The following JAKMIP1 variants were observed in gnomAD, a reference collection of about 807,000 sequenced individuals.
The protein encoded by JAKMIP1 is janus kinase and microtubule interacting protein 1.
JAKMIP1 carries 33 observed loss-of-function variants against 113.0 expected under a neutral mutation model. The ratio of observed to expected loss-of-function variants is 0.29; its 90% CI spans 0.22 to 0.39. The LOEUF is 0.39. JAKMIP1 is among the 10% of genes least tolerant of loss of function. The pLI, the probability that JAKMIP1 is intolerant of heterozygous loss-of-function variation, is 1.00. For synonymous variants in JAKMIP1, 480 were observed against 459.9 expected (o/e 1.04, Z -0.56); for missense variants, 813 against 1,080.5 (o/e 0.75, Z 3.47).
chr4:6,074,235 G>A (rs1719384234), intron 8 of JAKMIP1, among the ~76,000 whole-genome samples: 2 of 152,214 alleles, frequency 1.3e-5, no homozygotes, highest in Admixed American at 6.5e-5. Context: ...GCTTTGCCCT[G>A]ACTGCATCTT....
intron 1 of JAKMIP1, among the ~76,000 whole-genome samples, chr4:6,146,843 C>T (rs1419118949): frequency 4.6e-5 from 7 of 152,174 alleles, no homozygotes; most frequent in African/African-American, 1.2e-4. Context: ...CTCTCCCTAC[C>T]GTACACTTGA....
At chr4:6,098,090 C>T (rs1251539339) in intron 3 of JAKMIP1, among the ~76,000 whole-genome samples, 2 of 152,154 alleles carry the variant, frequency 1.3e-5, no homozygotes, top group East Asian at 3.9e-4. Context: ...TGTCCAAAAC[C>T]ACGCCTGCCT....
At position 6,108,586 on chromosome 4, in the gene JAKMIP1, G is replaced by C. The variant is rs183738953; in HGVS notation, c.130-2619C>G. The stretch of plus-strand genomic sequence containing the variant: ...CAATCCAGCAGCACTGGCTCTCCAT[G>C]TCCAGGCCTGGCCACTTCCCCACTT... On this transcript the variant is annotated intron_variant, in intron 2 of 20. Transcript: ENST00000409021. The surrounding 1 kb of genome is among the most constrained non-coding windows in gnomAD (Gnocchi z 5.6). Among the ~76,000 whole-genome samples the C allele has an allele frequency of 1.3e-5, 2 of 151,942 alleles. No individual in the cohort carries two copies. The highest frequency in any genetic ancestry group is 6.6e-5 in the Admixed American group (1 of 15,260).
chr4:6,066,701 C>T (rs1425086183), intron 8 of JAKMIP1, among the ~76,000 whole-genome samples: 1 of 152,102 alleles, frequency 6.6e-6, no homozygotes, highest in Admixed American at 6.5e-5. Context: ...GTTGTCTTCA[C>T]CTTCAACTCA....
chr4:6,108,416 C>T lies in JAKMIP1; in HGVS notation c.130-2449G>A, dbSNP rs191073261. Reference sequence around the variant, plus strand: ...AGCACTTGGACTCTAAATGCAGCCACGGCACAAAGGCCAAGAGAGGGAGCA... The same window carrying T: ...AGCACTTGGACTCTAAATGCAGCCATGGCACAAAGGCCAAGAGAGGGAGCA... On this transcript the variant is annotated intron_variant, in intron 2 of 20. Transcript: ENST00000409021. This position sits in a 1 kb window ranked among gnomAD's most constrained non-coding sequence, Gnocchi z 5.6. 6.6e-5 allele frequency among the ~76,000 whole-genome samples: 10 copies of T among 152,286 alleles called. No individual in the cohort carries two copies. Among genetic ancestry groups the T allele is most frequent in the Admixed American group, 2.0e-4 (3 of 15,302 alleles).
At chr4:6,172,861 G>A (rs1460892426) in intron 1 of JAKMIP1, among the ~76,000 whole-genome samples, 1 of 152,092 alleles carries the variant, frequency 6.6e-6, no homozygotes, top group Non-Finnish European at 1.5e-5. Context: ...CCCAGATCGA[G>A]TGCAGAGGGT....
intron 2 of JAKMIP1, among the ~76,000 whole-genome samples, chr4:6,111,253 C>CAGTA (rs1412850189): frequency 6.6e-6 from 1 of 152,182 alleles, no homozygotes; most frequent in Non-Finnish European, 1.5e-5. Flanking sequence ...CAGCCTCCAC[C>CAGTA]CGTCACTCCA....
At chr4:6,147,699 G>C (rs891698802) in intron 1 of JAKMIP1, among the ~76,000 whole-genome samples, 1 of 152,206 alleles carries the variant, frequency 6.6e-6, no homozygotes, top group Non-Finnish European at 1.5e-5. Flanking sequence ...GGCCACCTAG[G>C]TGTGGGTTCT....
chr4:6,073,690 A>G (rs1231739883), intron 8 of JAKMIP1, among the ~76,000 whole-genome samples: 1 of 152,222 alleles, frequency 6.6e-6, no homozygotes, highest in African/African-American at 2.4e-5. Context: ...TCCCATGGAT[A>G]TAATGTTCAT....
At position 6,137,424 on chromosome 4, in the gene JAKMIP1, A is replaced by G. The variant is rs1243385509; in HGVS notation, c.-147-24427T>C. ...CACGGCTCTGGCCCATGGAACCTTAATCACGTCACACCTGATACAGTTCCT... is the reference window on the plus strand; with the variant it reads ...CACGGCTCTGGCCCATGGAACCTTAGTCACGTCACACCTGATACAGTTCCT... On this transcript the variant is annotated intron_variant, in intron 1 of 20. Coordinates refer to ENST00000409021, the MANE Select transcript of JAKMIP1 (RefSeq NM_001099433.2). The surrounding 1 kb of genome is among the most constrained non-coding windows in gnomAD (Gnocchi z 4.5). 6.6e-6 allele frequency among the ~76,000 whole-genome samples: 1 copy of G among 152,160 alleles called. No homozygotes were observed. The highest frequency in any genetic ancestry group is 1.5e-5 in the Non-Finnish European group (1 of 68,034).
chr4:6,091,251 G>A (rs1722024339), intron 3 of JAKMIP1, among the ~76,000 whole-genome samples: 1 of 152,178 alleles, frequency 6.6e-6, no homozygotes, highest in Non-Finnish European at 1.5e-5. Context: ...CCTGAATGGG[G>A]GGAGATTTTT....
intron 1 of JAKMIP1, among the ~76,000 whole-genome samples, chr4:6,146,518 C>T (rs1720869467): frequency 6.6e-6 from 1 of 152,040 alleles, no homozygotes; most frequent in African/African-American, 2.4e-5. Flanking sequence ...GATCTTGAAC[C>T]TCTAGGCTCA....
rs892627876 is a variant in JAKMIP1, at chr4:6,040,042, G to T, written c.2175+597C>A. Among the ~76,000 whole-genome samples, 2 of 152,198 alleles carry T rather than the reference G, an allele frequency of 1.3e-5. No individual in the cohort carries two copies. Among genetic ancestry groups the T allele is most frequent in the Non-Finnish European group, 2.9e-5 (2 of 68,046 alleles). On this transcript the variant is annotated intron_variant, in intron 18 of 20. Transcript: ENST00000409021. This position sits in a 1 kb window ranked among gnomAD's most constrained non-coding sequence, Gnocchi z 5.8. Reference sequence around the variant, plus strand: ...CTCTCCTGCAGCGACAAGTTTCTATGATCTTACTCAACTCCCCTCCACCCC... The same window carrying T: ...CTCTCCTGCAGCGACAAGTTTCTATTATCTTACTCAACTCCCCTCCACCCC...
Position 6,086,318 on chromosome 4 carries a change from G to A in JAKMIP1, c.625-689C>T, listed in dbSNP as rs1003017789. 5.3e-5 allele frequency among the ~76,000 whole-genome samples: 8 copies of A among 151,890 alleles called. No homozygotes were observed. The highest frequency in any genetic ancestry group is 1.0e-4 in the Non-Finnish European group (7 of 68,012). ...TCTCCCAGGCAGCCAGGTCCTCCCC[G>A]ACGGTATCAACCCCACATATGCAGC... On this transcript the variant is annotated intron_variant, in intron 3 of 20. Coordinates refer to ENST00000409021, the MANE Select transcript of JAKMIP1 (RefSeq NM_001099433.2). The surrounding 1 kb of genome is among the most constrained non-coding windows in gnomAD (Gnocchi z 4.1).
chr4:6,192,476 C>T lies in JAKMIP1; in HGVS notation c.-148+7777G>A, dbSNP rs1045725069. 5.9e-5 allele frequency among the ~76,000 whole-genome samples: 9 copies of T among 152,174 alleles called. No homozygotes were observed. The highest frequency in any genetic ancestry group is 1.0e-4 in the Non-Finnish European group (7 of 68,022). On this transcript the variant is annotated intron_variant, in intron 1 of 20. Coordinates refer to ENST00000409021, the MANE Select transcript of JAKMIP1 (RefSeq NM_001099433.2). This position sits in a 1 kb window ranked among gnomAD's most constrained non-coding sequence, Gnocchi z 5.0. ...CTGACAAACACCCACTGCACGCAGA[C>T]GCCACTGAGCCTGTTTTGGTTTTGG...
chr4:6,171,600 A>G (rs961434424), intron 1 of JAKMIP1, among the ~76,000 whole-genome samples: 1 of 152,108 alleles, frequency 6.6e-6, no homozygotes, highest in Non-Finnish European at 1.5e-5. Context: ...TCCCCCCCCA[A>G]GTATGTGTCT....
At chr4:6,133,334 CCATAAA>C (rs763604850) in intron 1 of JAKMIP1, among the ~76,000 whole-genome samples, 1 of 152,170 alleles carries the variant, frequency 6.6e-6, no homozygotes, top group Non-Finnish European at 1.5e-5. Flanking sequence ...AGACGTACAA[CCATAAA>C]CATTTTGTTT....
At chr4:6,190,447 T>C (rs1727133019) in intron 1 of JAKMIP1, among the ~76,000 whole-genome samples, 1 of 152,102 alleles carries the variant, frequency 6.6e-6, no homozygotes, top group Non-Finnish European at 1.5e-5. Flanking sequence ...ACTCTTTCCA[T>C]AAGTGAACAG....
In JAKMIP1 at chr4:6,136,564, C is replaced by A. The variant is rs1405694438; in HGVS notation, c.-147-23567G>T. ...ATTTGGGCACTGAGCGACTAAGTTCCTGTCCACGGTCACACAACCAAGGAT... is the reference window on the plus strand; with the variant it reads ...ATTTGGGCACTGAGCGACTAAGTTCATGTCCACGGTCACACAACCAAGGAT... On this transcript the variant is annotated intron_variant, in intron 1 of 20. Transcript: ENST00000409021. The surrounding 1 kb of genome is among the most constrained non-coding windows in gnomAD (Gnocchi z 5.9). 3.9e-5 allele frequency among the ~76,000 whole-genome samples: 6 copies of A among 152,150 alleles called. No homozygotes were observed. Among genetic ancestry groups the A allele is most frequent in the African/African-American group, 1.4e-4 (6 of 41,436 alleles).
Sources: allele counts gnomAD v4.1 joint callset (sites outside exome capture counted in the v4.1 genomes callset), GRCh38; gene constraint gnomAD v4.1.1; non-coding constraint Gnocchi (gnomAD v3.1); transcripts MANE v1.5; gene names NCBI Gene and HGNC (gene_info 2026-07-23, HGNC 2026-07-21).